The following MCM3 variants were observed in gnomAD, a reference collection of about 807,000 sequenced individuals.
MCM3 encodes the protein DNA replication licensing factor MCM3.
MCM3 carries 59 observed loss-of-function variants against 91.3 expected under a neutral mutation model. That is an observed-to-expected ratio of 0.65 (90% CI 0.52 to 0.80). The LOEUF (loss-of-function observed/expected upper bound fraction) is 0.80. MCM3 is among the 30% of genes least tolerant of loss of function. The pLI, the probability that MCM3 is intolerant of heterozygous loss-of-function variation, is 0.00. For missense variants in MCM3, 919 were observed against 1,035.4 expected (o/e 0.89, Z 1.54); for synonymous variants, 383 against 379.6 (o/e 1.01, Z -0.10).
intron 2 of MCM3, among the ~76,000 whole-genome samples, chr6:52,283,066 T>C (rs994040719): frequency 1.2e-4 from 18 of 146,958 alleles, no homozygotes; most frequent in African/African-American, 4.0e-4. Context: ...TTATCAAAGA[T>C]ATAAAAATGA....
intron 15 of MCM3, 47 bp downstream of exon 15, chr6:52,266,564 A>C: frequency 1.3e-6 from 2 of 1,548,734 alleles, no homozygotes; most frequent in Middle Eastern, 1.7e-4. Context: ...GGAAAAGTCC[A>C]AGAGTCACAG....
rs1765239682 is a variant in MCM3, at chr6:52,272,674, T to C, written c.1677-223A>G. ...TAGTTTAGGCAGAAAGTTTAGGTAT[T>C]ATTTGCTCTATTTTGTAGGTGGGAA... On this transcript the variant is annotated intron_variant, in intron 11 of 16. Coordinates refer to ENST00000596288, the MANE Select transcript of MCM3 (RefSeq NM_002388.6). 2.6e-5 allele frequency among the ~76,000 whole-genome samples: 4 copies of C among 152,242 alleles called. No individual in the cohort carries two copies. The South Asian group carries it at 8.3e-4, about 32-fold the overall frequency.
At chr6:52,270,090 C>T (rs755899882) in intron 12 of MCM3, among the ~76,000 whole-genome samples, 14 of 152,104 alleles carry the variant, frequency 9.2e-5, no homozygotes, top group Non-Finnish European at 1.8e-4. Context: ...CTTTGGGAGG[C>T]CAAGGCAGGC....
At position 52,283,279 on chromosome 6, in the gene MCM3, C is replaced by T; in HGVS notation, c.191+15G>A. On this transcript the variant is annotated intron_variant, in intron 2 of 16. Coordinates refer to ENST00000596288, the MANE Select transcript of MCM3 (RefSeq NM_002388.6). ...CCATTCTCACTGACAGCCAGTATAT[C>T]CCCTTGCCTCTCACCGGTTAGCCCT... The T allele has an allele frequency of 6.2e-7, 1 of 1,603,770 alleles. No individual in the cohort carries two copies.
intron 6 of MCM3, 90 bp downstream of exon 6, chr6:52,278,652 C>T: frequency 2.5e-6 from 2 of 792,536 alleles, no homozygotes; most frequent in Admixed American, 2.4e-5. Context: ...CTCAACCCTT[C>T]CTTCTGATCT....
At chr6:52,278,275 T>C (rs1378539834) in intron 6 of MCM3, among the ~76,000 whole-genome samples, 1 of 152,066 alleles carries the variant, frequency 6.6e-6, no homozygotes, top group African/African-American at 2.4e-5. Flanking sequence ...TTCAAAACAT[T>C]TTAGGTTTAA....
chr6:52,270,558 A>G (rs1243328250), intron 12 of MCM3, among the ~76,000 whole-genome samples: 1 of 152,112 alleles, frequency 6.6e-6, no homozygotes, highest in Non-Finnish European at 1.5e-5. Context: ...GAAGTCATAC[A>G]CTCCATGACA....
At position 52,264,239 on chromosome 6, in the gene MCM3, CAAACAGA is replaced by C. The variant is rs1449431424; in HGVS notation, c.*342_*348del. 8.4e-6 allele frequency: 2 copies of C among 236,742 alleles called. No homozygotes were observed. The highest frequency in any genetic ancestry group is 1.7e-5 in the Non-Finnish European group (2 of 118,962). The allele number at this position is 236,742 out of a possible 1,614,324, so 14.7% of individuals were successfully genotyped here. On this transcript the variant is annotated 3_prime_UTR_variant, in exon 17 of 17. Coordinates refer to ENST00000596288, the MANE Select transcript of MCM3 (RefSeq NM_002388.6). Reference sequence around the variant, plus strand: ...GAAAAAAAACAAAACAAAAAAACAGCAAACAGAAAACAGTTGTGCCCCCAAAAGTACT... The same window carrying C: ...GAAAAAAAACAAAACAAAAAAACAGCAAACAGTTGTGCCCCCAAAAGTACT...
Position 52,272,082 on chromosome 6 carries a change from G to A in MCM3, c.1827+219C>T, listed in dbSNP as rs17246443. Among the ~76,000 whole-genome samples, 1,298 of 152,248 alleles carry A rather than the reference G, an allele frequency of 8.5e-3. 8 individuals are homozygous for A. Among genetic ancestry groups the A allele is most frequent in the Non-Finnish European group, 0.013 (865 of 68,012 alleles). ...TGCTGAATGAATCACAGCTTCTGGA[G>A]GCCAATGTCATTTTAACTAATAAGA... On this transcript the variant is annotated intron_variant, in intron 12 of 16. Transcript: ENST00000596288.
At chr6:52,266,848 G>T (rs937916885) in intron 14 of MCM3, 152 bp from the exon 15 acceptor site, 1 of 662,494 alleles carries the variant, frequency 1.5e-6, no homozygotes, top group Non-Finnish European at 2.7e-6. Flanking sequence ...ACTGCTGCTT[G>T]TTCCAAACGA....
Position 52,270,346 on chromosome 6 carries a change from G to GA in MCM3, c.1828-1121dup, listed in dbSNP as rs77109652. Among the ~76,000 whole-genome samples, 374 of 133,422 alleles carry GA rather than the reference G, an allele frequency of 2.8e-3. 2 individuals are homozygous for GA. The highest frequency in any genetic ancestry group is 7.7e-3 in the Middle Eastern group (2 of 260). 87.5% of individuals were successfully genotyped at this position (133,422 alleles called of 152,430 possible). Reference sequence around the variant, plus strand: ...TCCATCTCAAAAAAAAAAAAAAAAAGAAAAAAAAAGAAACTACTTCCTTCT... The same window carrying GA: ...TCCATCTCAAAAAAAAAAAAAAAAAGAAAAAAAAAAGAAACTACTTCCTTCT... On this transcript the variant is annotated intron_variant, in intron 12 of 16. Transcript: ENST00000596288.
rs147721133 is a variant in MCM3 at position 52,264,602 on chromosome 6, T to C, written c.2413A>G (p.Ile805Val). 250 of 1,614,084 alleles carry C rather than the reference T, an allele frequency of 1.5e-4. No individual in the cohort carries two copies. Among genetic ancestry groups the C allele is most frequent in the Non-Finnish European group, 2.0e-4 (232 of 1,180,042 alleles). The change falls in exon 17 of 17, where the codon ATC (isoleucine) becomes GTC (valine). Residue 805 changes from isoleucine to valine, a missense_variant. Physicochemically the swap from Ile to Val is conservative, Grantham distance 29 (BLOSUM62 3). Transcript: ENST00000596288. ...ACGAGGCCTCCTCAGATGAGGAAGA[T>C]GATGCCCTCAGACACCATGACCTGA... ...DNQVMVSEGI[I>V]FLI
chr6:52,281,988 A>G, intron 4 of MCM3, 57 bp downstream of exon 4: 1 of 1,584,310 alleles, frequency 6.3e-7, no homozygotes, highest in Non-Finnish European at 8.6e-7. Flanking sequence ...CCTTGCCTTA[A>G]AACAGGTATC....
chr6:52,282,565 A>G (rs12202495), intron 3 of MCM3, 88 bp downstream of exon 3: 494,241 of 1,286,226 alleles, frequency 0.38, 100,348 homozygotes, highest in Non-Finnish European at 0.42. Context: ...CTTTGAAGCC[A>G]CAAGCTACCC....
rs1765529009 is a variant in MCM3 at position 52,276,066 on chromosome 6, T to C, written c.1374+202A>G. On this transcript the variant is annotated intron_variant, in intron 9 of 16. Coordinates refer to ENST00000596288, the MANE Select transcript of MCM3 (RefSeq NM_002388.6). ...GTACTGTTAAAAAGTTACTTTTAAA[T>C]AAGGAACTTTCCAGGGGATTCTGCT... 3 of 579,880 alleles carry C rather than the reference T, an allele frequency of 5.2e-6. No individual in the cohort carries two copies. In the African/African-American group the frequency reaches 5.6e-5, roughly 11 times the overall value. 35.9% of individuals were successfully genotyped at this position (579,880 alleles called of 1,614,324 possible). A position where few individuals can be genotyped will look rare whatever the true frequency, so the allele number is the denominator to read the frequency against.
Position 52,267,849 on chromosome 6 carries a change from G to A in MCM3, c.2072+16C>T. On this transcript the variant is annotated intron_variant, in intron 14 of 16. Transcript: ENST00000596288. ...GGCCACTAACTTTTTAATCTCATTT[G>A]CTTGCCCCACCTTACCTCTTCCTCT... 1.1e-6 allele frequency: 1 copy of A among 905,168 alleles called. No individual in the cohort carries two copies. Among genetic ancestry groups the A allele is most frequent in the Middle Eastern group, 2.1e-4 (1 of 4,736 alleles). 56.1% of individuals were successfully genotyped at this position (905,168 alleles called of 1,614,324 possible).
intron 9 of MCM3, among the ~76,000 whole-genome samples, chr6:52,274,162 C>T (rs1161452819): frequency 6.6e-6 from 1 of 152,186 alleles, no homozygotes; most frequent in Admixed American, 6.5e-5. Context: ...CTCTAACAGG[C>T]TGAGTGTAGG....
In MCM3 at chr6:52,273,820, G is replaced by C; in HGVS notation, c.1471C>G (p.Pro491Ala). The C allele has an allele frequency of 1.2e-6, 2 of 1,614,126 alleles. No individual in the cohort carries two copies. The highest frequency in any genetic ancestry group is 1.7e-6 in the Non-Finnish European group (2 of 1,179,992). The part of the protein sequence containing the change: ...LLFIMLDQMD[P>A]EQDREISDHV... Reference sequence around the variant, plus strand: ...TCTGAGATCTCCCGATCCTGCTCAGGATCCATCTGATCCAGCATGATGAAG... The same window carrying C: ...TCTGAGATCTCCCGATCCTGCTCAGCATCCATCTGATCCAGCATGATGAAG... Residue 491 changes from proline to alanine, a missense_variant, in exon 10 of 17, where the codon CCT (proline) becomes GCT (alanine). Coordinates refer to ENST00000596288, the MANE Select transcript of MCM3 (RefSeq NM_002388.6).
At chr6:52,277,248 C>A in intron 7 of MCM3, 50 bp from the exon 8 acceptor site, 1 of 1,584,650 alleles carries the variant, frequency 6.3e-7, no homozygotes, top group Non-Finnish European at 8.6e-7. Flanking sequence ...CCAGCACCCC[C>A]AGCAAATTCT....
Sources: allele counts gnomAD v4.1 joint callset (sites outside exome capture counted in the v4.1 genomes callset), GRCh38; gene constraint gnomAD v4.1.1; transcripts MANE v1.5; gene names NCBI Gene and HGNC (gene_info 2026-07-23, HGNC 2026-07-21).